Variants in SETBP1 observed in about 807,000 individuals in gnomAD.
The protein encoded by SETBP1 is SET-binding protein.
A neutral mutation model predicts 101.0 loss-of-function variants in SETBP1; 9 were observed. The observed-to-expected ratio is 0.09, with a 90% CI of 0.05 to 0.16. The LOEUF is 0.16. Among genes scored for constraint, SETBP1 ranks in the 10% least tolerant of loss-of-function variants. The pLI is 1.00. For missense variants in SETBP1, 1,858 were observed against 2,033.8 expected, an observed-to-expected ratio of 0.91 and a Z score of 1.66; for synonymous variants, 818 against 788.5, an observed-to-expected ratio of 1.04 and a Z score of -0.63.
chr18:44,715,189 C>G (rs2069436099), intron 2 of SETBP1, among the ~76,000 whole-genome samples: 1 of 152,184 alleles, frequency 6.6e-6, no homozygotes, highest in Non-Finnish European at 1.5e-5. Context: ...CTGGTTGTTT[C>G]TGCTGCTTGG....
At chr18:44,958,075 T>G (rs2071530884) in intron 4 of SETBP1, among the ~76,000 whole-genome samples, 1 of 152,184 alleles carries the variant, frequency 6.6e-6, no homozygotes, top group South Asian at 2.1e-4. Flanking sequence ...CTTTCAGTTT[T>G]CCAAAATGGG....
At chr18:45,046,165 T>G (rs1348778923) in intron 5 of SETBP1, among the ~76,000 whole-genome samples, 2 of 152,240 alleles carry the variant, frequency 1.3e-5, no homozygotes, top group Non-Finnish European at 2.9e-5. Context: ...TGGCCAGATC[T>G]TATTCAACTT....
At chr18:44,895,051 T>C (rs1051445935) in intron 3 of SETBP1, among the ~76,000 whole-genome samples, 25 of 148,620 alleles carry the variant, frequency 1.7e-4, no homozygotes, top group African/African-American at 6.2e-4. Context: ...GAATTCAAGG[T>C]TGCAGTGAGG....
chr18:44,791,664 G>T (rs2071373792), intron 2 of SETBP1, among the ~76,000 whole-genome samples: 1 of 152,126 alleles, frequency 6.6e-6, no homozygotes, highest in South Asian at 2.1e-4. Context: ...TTTAATAGCA[G>T]CTGGGCTTCT....
chr18:44,779,933 C>CGCACACACACACGCACGCACACACGCAT (rs1568139711), intron 2 of SETBP1, among the ~76,000 whole-genome samples: 19 of 151,582 alleles, frequency 1.3e-4, no homozygotes, highest in Non-Finnish European at 2.4e-4. Context: ...CACACACGCA[C>CGCACACACACACGCACGCACACACGCAT]GCACACACAC....
At chr18:44,831,656 G>A (rs2072372059) in intron 2 of SETBP1, among the ~76,000 whole-genome samples, 1 of 152,196 alleles carries the variant, frequency 6.6e-6, no homozygotes, top group Non-Finnish European at 1.5e-5. Context: ...CTCAGGTTAT[G>A]AAGAGGAGTG....
intron 5 of SETBP1, among the ~76,000 whole-genome samples, chr18:45,059,445 A>C (rs1338509495): frequency 6.6e-6 from 1 of 152,192 alleles, no homozygotes; most frequent in African/African-American, 2.4e-5. Context: ...ATTGTCATCC[A>C]AATAAGGTCC....
intron 3 of SETBP1, among the ~76,000 whole-genome samples, chr18:44,935,061 A>G (rs114651240): frequency 0.012 from 1,775 of 151,390 alleles, 34 homozygotes; most frequent in African/African-American, 0.041. Context: ...TACAGGGAGG[A>G]GCGGCAATGA....
At chr18:44,870,568 A>G (rs2069249772) in intron 3 of SETBP1, 2 of 152,186 alleles carry the variant, frequency 1.3e-5, no homozygotes, top group African/African-American at 4.8e-5. Context: ...CCTTTAATTA[A>G]TTACTTTTTC....
At chr18:44,768,260 A>T (rs1231963878) in intron 2 of SETBP1, among the ~76,000 whole-genome samples, 1 of 152,212 alleles carries the variant, frequency 6.6e-6, no homozygotes, top group Non-Finnish European at 1.5e-5. Context: ...CTCTAACCAT[A>T]CAAGCTCTGC....
intron 2 of SETBP1, among the ~76,000 whole-genome samples, chr18:44,825,097 G>T (rs144144872): frequency 3.3e-5 from 5 of 152,310 alleles, no homozygotes; most frequent in Non-Finnish European, 5.9e-5. Flanking sequence ...TCCCCACCTG[G>T]GGGCATTAAG....
rs529819762 is a variant in SETBP1, at chr18:44,801,727, A to G, written c.487-67503A>G. Among the ~76,000 whole-genome samples the G allele has an allele frequency of 2.6e-5, 4 of 152,278 alleles. No homozygotes were observed. The South Asian group carries it at 8.3e-4, about 32-fold the overall frequency. On this transcript the variant is annotated intron_variant, in intron 2 of 5. Transcript: ENST00000649279. Reference sequence around the variant, plus strand: ...CACTTGTTTATTGAGCTTGCCATATAAAAAGAATGAGGTGTGCGAAAGGGA... The same window carrying G: ...CACTTGTTTATTGAGCTTGCCATATGAAAAGAATGAGGTGTGCGAAAGGGA...
chr18:44,855,698 C>A (rs2072960910), intron 2 of SETBP1, among the ~76,000 whole-genome samples: 1 of 152,150 alleles, frequency 6.6e-6, no homozygotes. Context: ...ATGGTGATTC[C>A]CCCACCCAGA....
At chr18:44,872,521 A>G (rs931635292) in intron 3 of SETBP1, among the ~76,000 whole-genome samples, 4 of 152,190 alleles carry the variant, frequency 2.6e-5, no homozygotes, top group Non-Finnish European at 5.9e-5. Flanking sequence ...ACCATCATTC[A>G]TTTACTACCC....
chr18:45,063,694 C>T lies in SETBP1; in HGVS notation c.4787C>T (p.Pro1596Leu). 1 of 1,606,600 alleles carries T rather than the reference C, an allele frequency of 6.2e-7. No individual in the cohort carries two copies. Among genetic ancestry groups the T allele is most frequent in the Non-Finnish European group, 8.5e-7 (1 of 1,176,980 alleles). The part of the protein sequence containing the change: ...KSRGSESEVL[P>L] The stretch of plus-strand genomic sequence containing the variant: ...CGAGGGAGTGAGAGCGAGGTCCTTC[C>T]CTAGGGCGGGTCTGGGCGTCTGCAC... Residue 1596 changes from proline (P) to leucine (L), a missense_variant, in exon 6 of 6, where the codon CCC becomes CTC. This residue lies in a region of SETBP1 where 178 missense variants were observed against 189.1 expected (regional missense o/e 0.94). Transcript: ENST00000649279.
At chr18:44,936,611 G>C (rs2070962953) in intron 3 of SETBP1, among the ~76,000 whole-genome samples, 2 of 152,166 alleles carry the variant, frequency 1.3e-5, no homozygotes, top group Non-Finnish European at 2.9e-5. Context: ...GCCATAGGAG[G>C]GGGTGCTGGG....
At chr18:44,864,785 T>G (rs1222715260) in intron 2 of SETBP1, among the ~76,000 whole-genome samples, 3 of 152,196 alleles carry the variant, frequency 2.0e-5, no homozygotes, top group Admixed American at 2.0e-4. Context: ...CCAGCCTGAT[T>G]GGAGTCCCTA....
intron 3 of SETBP1, among the ~76,000 whole-genome samples, chr18:44,941,083 T>C (rs1456254759): frequency 1.4e-5 from 2 of 144,060 alleles, no homozygotes; most frequent in African/African-American, 5.1e-5. Flanking sequence ...CAGACTTTTT[T>C]TTTTTTTTTT....
intron 2 of SETBP1, among the ~76,000 whole-genome samples, chr18:44,805,837 G>A (rs1007298287): frequency 1.3e-5 from 2 of 152,106 alleles, no homozygotes; most frequent in African/African-American, 4.8e-5. Context: ...TTTCAGCAAA[G>A]GAAGTAACAC....
Sources: allele counts gnomAD v4.1 joint callset (sites outside exome capture counted in the v4.1 genomes callset), GRCh38; gene constraint gnomAD v4.1.1; regional missense constraint gnomAD v4.1.1; transcripts MANE v1.5; gene names NCBI Gene and HGNC (gene_info 2026-07-23, HGNC 2026-07-21).